The following SLC12A8 variants were observed in gnomAD, a reference collection of about 807,000 sequenced individuals.
SLC12A8 encodes the protein solute carrier family 12 member 8, also known as cation-chloride cotransporter 9.
In SLC12A8, 69 loss-of-function variants were observed where a neutral mutation model predicts 75.6. The ratio of observed to expected loss-of-function variants is 0.91; its 90% CI spans 0.75 to 1.11. The LOEUF is 1.11. SLC12A8 is among the 50% of genes most tolerant of loss of function. SLC12A8 has a pLI of 0.00. For synonymous variants in SLC12A8, 365 were observed against 372.8 expected, an observed-to-expected ratio of 0.98 and a Z score of 0.24; for missense variants, 877 against 896.7, an observed-to-expected ratio of 0.98 and a Z score of 0.28.
chr3:125,096,752 T>C (rs947333305), intron 10 of SLC12A8, among the ~76,000 whole-genome samples: 1 of 152,240 alleles, frequency 6.6e-6, no homozygotes, highest in Non-Finnish European at 1.5e-5. Context: ...AATGGATGGC[T>C]CTATTACTTT....
intron 5 of SLC12A8, among the ~76,000 whole-genome samples, chr3:125,140,531 G>A (rs543886317): frequency 1.3e-5 from 2 of 152,138 alleles, no homozygotes; most frequent in South Asian, 4.2e-4. Context: ...GCAGACAGGA[G>A]TCCTATCCTG....
At chr3:125,195,313 C>T (rs1235055968) in intron 2 of SLC12A8, among the ~76,000 whole-genome samples, 4 of 152,212 alleles carry the variant, frequency 2.6e-5, no homozygotes, top group Admixed American at 2.6e-4. Flanking sequence ...CCCATCCCTT[C>T]TGTTTTGTAG....
chr3:125,188,135 G>A (rs1934832938), intron 3 of SLC12A8, among the ~76,000 whole-genome samples: 4 of 152,150 alleles, frequency 2.6e-5, no homozygotes, highest in Admixed American at 2.6e-4. Context: ...ATGGCTTGGT[G>A]TCCTCCCACA....
At chr3:125,208,787 CACACAG>C (rs71148169) in intron 2 of SLC12A8, among the ~76,000 whole-genome samples, 227 of 106,328 alleles carry the variant, frequency 2.1e-3, no homozygotes, top group East Asian at 5.4e-3. Context: ...CACACACACA[CACACAG>C]AGAGAGAGAG....
At chr3:125,137,381 T>C (rs920237329) in intron 5 of SLC12A8, among the ~76,000 whole-genome samples, 1 of 152,228 alleles carries the variant, frequency 6.6e-6, no homozygotes, top group African/African-American at 2.4e-5. Context: ...ACAACTTTTC[T>C]GAATGGTTTG....
intron 8 of SLC12A8, among the ~76,000 whole-genome samples, chr3:125,112,072 C>T (rs922683057): frequency 1.3e-5 from 2 of 152,176 alleles, no homozygotes; most frequent in Non-Finnish European, 2.9e-5. Flanking sequence ...AAGGGACAGG[C>T]AAAAGAGGTC....
At chr3:125,130,028 C>T (rs1443995345) in intron 6 of SLC12A8, among the ~76,000 whole-genome samples, 4 of 152,250 alleles carry the variant, frequency 2.6e-5, no homozygotes, top group East Asian at 1.9e-4. Context: ...TTCTTCACCT[C>T]AGTTGGGCCA....
intron 9 of SLC12A8, 104 bp from the exon 10 acceptor site, chr3:125,108,230 A>G: frequency 9.0e-7 from 1 of 1,109,826 alleles, no homozygotes; most frequent in Non-Finnish European, 1.3e-6. Flanking sequence ...TGACTCAGCC[A>G]CTTCTCCCCA....
intron 5 of SLC12A8, among the ~76,000 whole-genome samples, chr3:125,167,530 C>A (rs1934315855): frequency 6.6e-6 from 1 of 152,204 alleles, no homozygotes. Context: ...AGCCCCTCAC[C>A]CAAAGGATCT....
At chr3:125,187,894 T>C (rs1324683422) in intron 3 of SLC12A8, among the ~76,000 whole-genome samples, 2 of 152,186 alleles carry the variant, frequency 1.3e-5, no homozygotes, top group African/African-American at 2.4e-5. Context: ...CCTGTAACCC[T>C]TTCTCTGGGC....
intron 5 of SLC12A8, among the ~76,000 whole-genome samples, chr3:125,161,356 T>C (rs1934163171): frequency 6.6e-6 from 1 of 152,242 alleles, no homozygotes; most frequent in South Asian, 2.1e-4. Context: ...CCTATTTCCC[T>C]AAATTTGTCT....
intron 8 of SLC12A8, among the ~76,000 whole-genome samples, chr3:125,115,180 C>A (rs998878059): frequency 2.0e-5 from 3 of 152,174 alleles, no homozygotes; most frequent in Admixed American, 6.5e-5. Context: ...TAAGAACACA[C>A]ATACACCTGA....
chr3:125,109,368 C>G (rs944835616), intron 9 of SLC12A8, among the ~76,000 whole-genome samples: 2 of 152,236 alleles, frequency 1.3e-5, no homozygotes, highest in Middle Eastern at 3.2e-3. Flanking sequence ...GCCTACTCAA[C>G]ATTTCCAGTG....
At chr3:125,144,490 C>T (rs1560066684) in intron 5 of SLC12A8, among the ~76,000 whole-genome samples, 2 of 152,098 alleles carry the variant, frequency 1.3e-5, no homozygotes, top group Admixed American at 1.3e-4. Flanking sequence ...CACTAGCCTA[C>T]CCTAGAAAGG....
At chr3:125,105,220 G>A (rs994389846) in intron 10 of SLC12A8, among the ~76,000 whole-genome samples, 2 of 151,414 alleles carry the variant, frequency 1.3e-5, no homozygotes, top group Non-Finnish European at 2.9e-5. Flanking sequence ...AATAGAGGGG[G>A]GATGGAGGGA....
At chr3:125,186,684 C>T (rs994537996) in intron 4 of SLC12A8, among the ~76,000 whole-genome samples, 2 of 152,242 alleles carry the variant, frequency 1.3e-5, no homozygotes, top group African/African-American at 2.4e-5. Flanking sequence ...GGAGTGCCTC[C>T]GTCCATTCTG....
At chr3:125,120,567 A>C (rs1285861006) in intron 7 of SLC12A8, 32 bp downstream of exon 7, 1 of 1,527,992 alleles carries the variant, frequency 6.5e-7, no homozygotes, top group Non-Finnish European at 9.1e-7. Flanking sequence ...CCCACTCTCT[A>C]GCTCAGACTG....
intron 2 of SLC12A8, chr3:125,206,916 A>G (rs1189221028): frequency 6.6e-6 from 1 of 152,254 alleles, no homozygotes; most frequent in Non-Finnish European, 1.5e-5. Flanking sequence ...AATGGTGCTA[A>G]ACCATTGGTG....
Position 125,211,301 on chromosome 3 carries a change from G to A in SLC12A8, c.49C>T (p.Gln17Ter). ...ACCCTGGCACATCCTGAGCCTACCTGCTGGGCTGCCTCATGGAAGAGCTCC... is the reference window on the plus strand; with the variant it reads ...ACCCTGGCACATCCTGAGCCTACCTACTGGGCTGCCTCATGGAAGAGCTCC... ...VQELFHEAAQ[Q>*]DALAQPQPWW... The change falls in exon 2 of 14, where the codon CAG becomes TAG. Residue 17 changes from glutamine (Q) to a stop codon, truncating the protein, a stop_gained and splice_region_variant. Transcript: ENST00000469902. LOFTEE classifies it high-confidence loss of function. 1 of 1,613,290 alleles carries A rather than the reference G, an allele frequency of 6.2e-7. No homozygotes were observed. Among genetic ancestry groups the A allele is most frequent in the Non-Finnish European group, 8.5e-7 (1 of 1,179,664 alleles).
Sources: gnomAD v4.1 joint callset for allele counts (sites outside exome capture counted in the v4.1 genomes callset) on GRCh38, gnomAD v4.1.1 for gene constraint, MANE v1.5 for transcripts, NCBI Gene and HGNC (gene_info 2026-07-23, HGNC 2026-07-21) for gene names.